The following RYR3 variants were observed in gnomAD, a reference collection of about 807,000 sequenced individuals.
RYR3 encodes the protein brain ryanodine receptor-calcium release channel.
A neutral mutation model predicts 584.3 loss-of-function variants in RYR3; 207 were observed. The ratio of observed to expected loss-of-function variants is 0.35; its 90% CI spans 0.32 to 0.40. RYR3 has a LOEUF of 0.40. RYR3 is among the 10% of genes least tolerant of loss of function. The pLI is 1.00. For synonymous variants in RYR3, 2,416 were observed against 2,248.5 expected (o/e 1.07, Z -2.11); for missense variants, 5,616 against 6,089.2 (o/e 0.92, Z 2.59).
At chr15:33,333,066 C>CAAAAA (rs1195937254) in intron 1 of RYR3, among the ~76,000 whole-genome samples, 94 of 55,348 alleles carry the variant, frequency 1.7e-3, no homozygotes, top group East Asian at 3.1e-3. Context: ...GCCTACCAAC[C>CAAAAA]AAAAAAAAAA....
intron 16 of RYR3, among the ~76,000 whole-genome samples, chr15:33,589,736 T>C (rs1257886047): frequency 2.0e-5 from 3 of 152,240 alleles, no homozygotes; most frequent in Non-Finnish European, 4.4e-5. Context: ...CCATGGTGTA[T>C]GTTCTTGTTG....
chr15:33,795,697 T>A (rs531673757), intron 67 of RYR3, among the ~76,000 whole-genome samples: 1 of 151,926 alleles, frequency 6.6e-6, no homozygotes, highest in East Asian at 1.9e-4. Context: ...CCTGGCTAAT[T>A]TTTTTGTATT....
chr15:33,425,993 A>G (rs960481797), intron 1 of RYR3, among the ~76,000 whole-genome samples: 6 of 152,126 alleles, frequency 3.9e-5, no homozygotes, highest in African/African-American at 1.4e-4. Context: ...ATGTTCCTAC[A>G]TTGTTTGTAA....
At chr15:33,492,846 C>T (rs1390761085) in intron 2 of RYR3, among the ~76,000 whole-genome samples, 1 of 152,158 alleles carries the variant, frequency 6.6e-6, no homozygotes, top group Non-Finnish European at 1.5e-5. Flanking sequence ...CAATGCTTTT[C>T]TCAGTGTTCC....
At chr15:33,449,310 C>G (rs1321650162) in intron 1 of RYR3, among the ~76,000 whole-genome samples, 1 of 152,174 alleles carries the variant, frequency 6.6e-6, no homozygotes, top group Non-Finnish European at 1.5e-5. Context: ...CCATTCCTGA[C>G]CACATGACCC....
chr15:33,549,058 C>T (rs2056468827), intron 9 of RYR3, among the ~76,000 whole-genome samples: 1 of 89,560 alleles, frequency 1.1e-5, no homozygotes, highest in Admixed American at 1.4e-4. Context: ...ACCATACACA[C>T]ATATGCACAC....
chr15:33,798,868 G>C (rs966718799), intron 67 of RYR3, among the ~76,000 whole-genome samples: 4 of 152,174 alleles, frequency 2.6e-5, no homozygotes, highest in African/African-American at 9.7e-5. Context: ...GGATCCCAAA[G>C]TGATCTTGGC....
In RYR3 at chr15:33,816,956, G is replaced by T. The variant is rs2076846585; in HGVS notation, c.10597G>T (p.Ala3533Ser). The T allele has an allele frequency of 6.3e-7, 1 of 1,591,164 alleles. No individual in the cohort carries two copies. Among genetic ancestry groups the T allele is most frequent in the African/African-American group, 1.3e-5 (1 of 74,516 alleles). ...SFEEKLVQDLAKSPKVEEEEE... is the reference protein window; with the variant it reads ...SFEEKLVQDLSKSPKVEEEEE... ...TGAAGAGAAACTAGTACAGGATTTG[G>T]CTGTAAGTACTGACTCCCCTGGGAG... Residue 3533 changes from alanine (A) to serine (S), a missense_variant and splice_region_variant, in exon 75 of 104, where the codon GCT becomes TCT. Ala to Ser is a moderately conservative substitution (Grantham distance 99). Coordinates refer to ENST00000634891, the MANE Select transcript of RYR3 (RefSeq NM_001036.6).
chr15:33,644,218 T>C, intron 27 of RYR3, 93 bp from the exon 28 acceptor site: 3 of 917,194 alleles, frequency 3.3e-6, no homozygotes, highest in Non-Finnish European at 5.1e-6. Context: ...CTACTGGGAG[T>C]CAAAGCCCTT....
chr15:33,364,127 A>G (rs1032727514), intron 1 of RYR3, among the ~76,000 whole-genome samples: 14 of 152,194 alleles, frequency 9.2e-5, no homozygotes, highest in Non-Finnish European at 1.6e-4. Flanking sequence ...GAAATGACAA[A>G]TATCTTGGAT....
chr15:33,697,087 C>A (rs1470222817), intron 39 of RYR3, among the ~76,000 whole-genome samples: 1 of 152,130 alleles, frequency 6.6e-6, no homozygotes, highest in Non-Finnish European at 1.5e-5. Context: ...CACTAACCAG[C>A]CTACAGTTTT....
chr15:33,780,465 G>T, intron 65 of RYR3, 124 bp downstream of exon 65: 1 of 928,974 alleles, frequency 1.1e-6, no homozygotes, highest in Non-Finnish European at 1.6e-6. Context: ...GCCAGGAGGT[G>T]AGGTTAGGGA....
intron 32 of RYR3, among the ~76,000 whole-genome samples, chr15:33,654,748 G>T (rs1566884061): frequency 6.6e-6 from 1 of 152,144 alleles, no homozygotes; most frequent in South Asian, 2.1e-4. Flanking sequence ...CGTACTTAGG[G>T]CATCCAACAG....
intron 1 of RYR3, among the ~76,000 whole-genome samples, chr15:33,410,332 C>T (rs543882357): frequency 4.6e-5 from 7 of 152,324 alleles, no homozygotes; most frequent in Admixed American, 6.5e-5. Flanking sequence ...CCCAAGGCTC[C>T]TTAATTTAGA....
At chr15:33,825,181 A>C (rs569988017) in intron 81 of RYR3, among the ~76,000 whole-genome samples, 1 of 152,346 alleles carries the variant, frequency 6.6e-6, no homozygotes. Context: ...ATTCTCAGAG[A>C]AAGTAGGTAA....
At chr15:33,554,547 C>T (rs1052539287) in intron 10 of RYR3, among the ~76,000 whole-genome samples, 3 of 152,118 alleles carry the variant, frequency 2.0e-5, no homozygotes, top group South Asian at 2.1e-4. Context: ...CCGCCCGCCT[C>T]GGCCTCCCAA....
chr15:33,785,734 T>C lies in RYR3; in HGVS notation c.9341T>C (p.Ile3114Thr). ...IPQLEGLMKE[I>T]NDLAESGARY... Reference sequence around the variant, plus strand: ...CAGCTGGAAGGCCTGATGAAGGAAATCAACGACCTGGCCGAGTCAGGGGCC... The same window carrying C: ...CAGCTGGAAGGCCTGATGAAGGAAACCAACGACCTGGCCGAGTCAGGGGCC... Residue 3114 changes from isoleucine to threonine, a missense_variant, in exon 66 of 104, where the codon ATC (isoleucine) becomes ACC (threonine). Ile to Thr is a moderately conservative substitution (Grantham distance 89). Transcript: ENST00000634891. The C allele has an allele frequency of 6.2e-7, 1 of 1,613,840 alleles. No homozygotes were observed. The highest frequency in any genetic ancestry group is 8.5e-7 in the Non-Finnish European group (1 of 1,179,810).
chr15:33,350,111 G>C (rs1973045770), intron 1 of RYR3, among the ~76,000 whole-genome samples: 1 of 152,120 alleles, frequency 6.6e-6, no homozygotes, highest in African/African-American at 2.4e-5. Flanking sequence ...TATATACCCA[G>C]TGATGGGATG....
chr15:33,536,568 A>G (rs566532477), intron 5 of RYR3, among the ~76,000 whole-genome samples: 37 of 152,162 alleles, frequency 2.4e-4, no homozygotes, highest in Non-Finnish European at 4.3e-4. Context: ...GGGAGAGGGC[A>G]GGGAAGCAAA....
Sources: allele counts gnomAD v4.1 joint callset (sites outside exome capture counted in the v4.1 genomes callset), GRCh38; gene constraint gnomAD v4.1.1; transcripts MANE v1.5; gene names NCBI Gene and HGNC (gene_info 2026-07-23, HGNC 2026-07-21).